FRMPD3: variants seen among roughly 807,000 people sequenced by gnomAD.
The protein encoded by FRMPD3 is FERM and PDZ domain containing 3.
A neutral mutation model predicts 97.9 loss-of-function variants in FRMPD3; 42 were observed. The observed-to-expected ratio is 0.43, with a 90% confidence interval of 0.34 to 0.55. The LOEUF (loss-of-function observed/expected upper bound fraction) is 0.55. Among genes scored for constraint, FRMPD3 ranks in the 20% least tolerant of loss-of-function variants. FRMPD3 has a pLI of 0.03. For missense variants in FRMPD3, 1,303 were observed against 1,457.7 expected, an observed-to-expected ratio of 0.89 and a Z score of 1.73; for synonymous variants, 577 against 581.1, an observed-to-expected ratio of 0.99 and a Z score of 0.10.
chrX:107,581,342 C>T (rs1390521192), intron 13 of FRMPD3, among the ~76,000 whole-genome samples: 1 of 110,222 alleles, frequency 9.1e-6, no homozygotes, highest in East Asian at 2.8e-4. Context: ...AACTCCTGAC[C>T]TCAGGTGATC....
intron 1 of FRMPD3, among the ~76,000 whole-genome samples, chrX:107,477,944 T>C (rs1450049481): frequency 1.8e-5 from 2 of 111,350 alleles, no homozygotes; most frequent in Non-Finnish European, 3.8e-5. Context: ...TCCTTGTCTC[T>C]ACTAATCCAA....
chrX:107,525,166 G>T (rs1379436860), intron 1 of FRMPD3, among the ~76,000 whole-genome samples: 2 of 111,432 alleles, frequency 1.8e-5, no homozygotes, highest in Non-Finnish European at 3.8e-5. Flanking sequence ...ACATACTGAG[G>T]CTAGAAAACT....
rs751375238 is a variant in FRMPD3, at chrX:107,503,428, TG to T, written c.-7-23150del. 6.1e-4 allele frequency among the ~76,000 whole-genome samples: 69 copies of T among 112,236 alleles called. No individual in the cohort carries two copies. In the South Asian group the frequency reaches 0.014, roughly 23 times the overall value. Reference sequence around the variant, plus strand: ...AACTGAGGCCTAGGAAGGGAAGGTGTGGGGTCATACCTCTAATTAGTGTAAG... The same window carrying T: ...AACTGAGGCCTAGGAAGGGAAGGTGTGGGTCATACCTCTAATTAGTGTAAG... On this transcript the variant is annotated intron_variant, in intron 1 of 14. Coordinates refer to ENST00000683843, the MANE Select transcript of FRMPD3 (RefSeq NM_001388459.1).
intron 4 of FRMPD3, among the ~76,000 whole-genome samples, chrX:107,540,904 G>A (rs1005306942): frequency 8.9e-6 from 1 of 112,530 alleles, no homozygotes; most frequent in Non-Finnish European, 1.9e-5. Flanking sequence ...CATCAGGCAC[G>A]TTTTAAAAAC....
At chrX:107,587,071 T>A (rs1174576450) in intron 13 of FRMPD3, among the ~76,000 whole-genome samples, 1 of 111,764 alleles carries the variant, frequency 8.9e-6, no homozygotes, top group Non-Finnish European at 1.9e-5. Context: ...CCACTATTAT[T>A]GTGTGGGAGT....
intron 7 of FRMPD3, among the ~76,000 whole-genome samples, chrX:107,553,204 A>C (rs1921937404): frequency 9.2e-6 from 1 of 109,251 alleles, no homozygotes; most frequent in African/African-American, 3.3e-5. Flanking sequence ...GAGCAGTTGC[A>C]AGTCTCCTGT....
intron 13 of FRMPD3, 43 bp from the exon 14 acceptor site, chrX:107,597,278 C>A: frequency 9.1e-7 from 1 of 1,099,596 alleles, no homozygotes; most frequent in Non-Finnish European, 1.2e-6. Context: ...ATTCACAATC[C>A]TTGGCACCAG....
At chrX:107,490,215 C>T (rs1442006076) in intron 1 of FRMPD3, among the ~76,000 whole-genome samples, 1 of 112,034 alleles carries the variant, frequency 8.9e-6, no homozygotes, top group African/African-American at 3.2e-5. Flanking sequence ...TTTGGTAGCA[C>T]TACCATGCTG....
At chrX:107,455,658 G>A (rs1038254897) in intron 1 of FRMPD3, among the ~76,000 whole-genome samples, 1 of 111,230 alleles carries the variant, frequency 9.0e-6, no homozygotes, top group Admixed American at 9.5e-5. Context: ...TACACAGTAG[G>A]TACTCAATAG....
intron 1 of FRMPD3, among the ~76,000 whole-genome samples, chrX:107,505,673 C>T (rs1438219033): frequency 8.9e-6 from 1 of 112,652 alleles, no homozygotes; most frequent in Admixed American, 9.4e-5. Flanking sequence ...AATTATCAAA[C>T]TAAGAAGGGG....
chrX:107,490,353 A>C (rs1456911226), intron 1 of FRMPD3, among the ~76,000 whole-genome samples: 1 of 112,050 alleles, frequency 8.9e-6, no homozygotes, highest in Non-Finnish European at 1.9e-5. Context: ...ACTTTAAAGT[A>C]GTTTTTTCCA....
chrX:107,601,903 G>T lies in FRMPD3; in HGVS notation c.3864G>T (p.Gly1288=). The T allele has an allele frequency of 8.3e-7, 1 of 1,199,146 alleles. No homozygotes were observed. The highest frequency in any genetic ancestry group is 1.7e-5 in the African/African-American group (1 of 57,500). Residue 1288 remains glycine (G), a synonymous_variant, in exon 15 of 15, where the codon GGG becomes GGT. Coordinates refer to ENST00000683843, the MANE Select transcript of FRMPD3 (RefSeq NM_001388459.1). ...TCCGCAGCAGCCCTGTGCAGCAGGGGCCTGGCATGTCCCGTGAGCAGAGGC... is the reference window on the plus strand; with the variant it reads ...TCCGCAGCAGCCCTGTGCAGCAGGGTCCTGGCATGTCCCGTGAGCAGAGGC... ...CQLRSSPVQQ[G]PGMSREQRRS... is the part of the protein sequence containing the mutation.
chrX:107,518,308 C>T (rs180728023), intron 1 of FRMPD3, among the ~76,000 whole-genome samples: 1 of 111,742 alleles, frequency 8.9e-6, no homozygotes, highest in African/African-American at 3.3e-5. Flanking sequence ...CAGATGCTTC[C>T]TGCAGTGGGA....
Position 107,597,997 on chromosome X carries a change from A to G in FRMPD3, c.2118A>G (p.Pro706=), listed in dbSNP as rs1478134047. 9.1e-6 allele frequency: 11 copies of G among 1,210,521 alleles called. No individual in the cohort carries two copies. Among genetic ancestry groups the G allele is most frequent in the Non-Finnish European group, 1.2e-5 (11 of 895,368 alleles). The change falls in exon 14 of 15, where the codon CCA becomes CCG. Residue 706 remains proline (P), a synonymous_variant. Transcript: ENST00000683843. Reference sequence around the variant, plus strand: ...GTGGGCTTCTGTACGATGAGATTCCAGTGACATTGATTGACAGTGTGCAGA... The same window carrying G: ...GTGGGCTTCTGTACGATGAGATTCCGGTGACATTGATTGACAGTGTGCAGA... ...HLRGLLYDEI[P]VTLIDSVQTR...
At chrX:107,544,518 A>T (rs1459281175) in intron 4 of FRMPD3, 1 of 111,465 alleles carries the variant, frequency 9.0e-6, no homozygotes, top group Non-Finnish European at 1.9e-5. Context: ...ATGCTCCATG[A>T]GGCCAGGGAG....
chrX:107,498,827 C>A (rs1381489849), intron 1 of FRMPD3, among the ~76,000 whole-genome samples: 1 of 111,522 alleles, frequency 9.0e-6, no homozygotes, highest in African/African-American at 3.3e-5. Flanking sequence ...GTCACGTCCA[C>A]CTATTCTACA....
intron 1 of FRMPD3, among the ~76,000 whole-genome samples, chrX:107,473,683 A>T (rs1921122522): frequency 8.9e-6 from 1 of 112,346 alleles, no homozygotes; most frequent in South Asian, 3.7e-4. Context: ...CACCCCCAAC[A>T]TACACACACT....
intron 6 of FRMPD3, among the ~76,000 whole-genome samples, chrX:107,550,923 G>A (rs1403000265): frequency 9.0e-6 from 1 of 111,726 alleles, no homozygotes; most frequent in Non-Finnish European, 1.9e-5. Flanking sequence ...AGAAAACCTA[G>A]GTTGGTCCAC....
At chrX:107,586,405 AT>A (rs201632532) in intron 13 of FRMPD3, among the ~76,000 whole-genome samples, 1,869 of 98,931 alleles carry the variant, frequency 0.019, 42 homozygotes, top group African/African-American at 0.057. Flanking sequence ...GGATTCATTG[AT>A]TTTTTTTTTT....
Sources: gnomAD v4.1 joint callset for allele counts (sites outside exome capture counted in the v4.1 genomes callset) on GRCh38, gnomAD v4.1.1 for gene constraint, MANE v1.5 for transcripts, NCBI Gene and HGNC (gene_info 2026-07-23, HGNC 2026-07-21) for gene names.